Variants in MSANTD3 observed in about 807,000 individuals in gnomAD.
MSANTD3 encodes the protein myb/SANT-like DNA-binding domain-containing protein 3.
In MSANTD3, 11 loss-of-function variants were observed where a neutral mutation model predicts 27.7. That is an observed-to-expected ratio of 0.40 (90% confidence interval 0.25 to 0.66). The LOEUF is 0.66. MSANTD3 is among the 30% of genes least tolerant of loss of function. The pLI is 0.41. For missense variants in MSANTD3, 250 were observed against 336.5 expected (o/e 0.74, Z 2.01); for synonymous variants, 131 against 127.2 (o/e 1.03, Z -0.20).
chr9:100,445,638 TC>T (rs891600995), intron 2 of MSANTD3, among the ~76,000 whole-genome samples: 114 of 152,318 alleles, frequency 7.5e-4, no homozygotes, highest in African/African-American at 2.7e-3. Context: ...ACAATACTGT[TC>T]CAACACCTTA....
intron 1 of MSANTD3, among the ~76,000 whole-genome samples, chr9:100,438,669 A>G (rs573894356): frequency 3.3e-5 from 5 of 152,316 alleles, no homozygotes; most frequent in South Asian, 2.1e-4. Context: ...CAGTGTACCT[A>G]TTGATTTCCT....
At chr9:100,432,190 A>G (rs530233317) in intron 1 of MSANTD3, among the ~76,000 whole-genome samples, 30 of 152,232 alleles carry the variant, frequency 2.0e-4, no homozygotes, top group Middle Eastern at 3.4e-3. Flanking sequence ...GTGGGTGGAA[A>G]AGTGGTAGAG....
chr9:100,437,429 T>G (rs1355161716), intron 1 of MSANTD3, among the ~76,000 whole-genome samples: 1 of 152,212 alleles, frequency 6.6e-6, no homozygotes, highest in African/African-American at 2.4e-5. Flanking sequence ...GACCACTTAC[T>G]ATTTTGTGAC....
intron 1 of MSANTD3, among the ~76,000 whole-genome samples, chr9:100,434,105 C>T (rs930617578): frequency 6.6e-6 from 1 of 152,056 alleles, no homozygotes; most frequent in African/African-American, 2.4e-5. Flanking sequence ...TAAGGAATAC[C>T]ATTCTCTCTG....
At chr9:100,439,515 T>G (rs10989093) in intron 1 of MSANTD3, among the ~76,000 whole-genome samples, 1 of 151,010 alleles carries the variant, frequency 6.6e-6, no homozygotes, top group South Asian at 2.1e-4. Flanking sequence ...TTTTTTTTTT[T>G]AATTTTTTTT....
chr9:100,442,391 CT>C, intron 2 of MSANTD3, 35 bp downstream of exon 2: 1 of 1,553,588 alleles, frequency 6.4e-7, no homozygotes, highest in Non-Finnish European at 8.7e-7. Context: ...CACGCTCTCA[CT>C]GGGTATCTGT....
chr9:100,428,805 T>C (rs1422836095), intron 1 of MSANTD3, among the ~76,000 whole-genome samples: 4 of 152,174 alleles, frequency 2.6e-5, no homozygotes, highest in African/African-American at 7.2e-5. Flanking sequence ...CTCACTGATA[T>C]AATGGAAGAG....
At chr9:100,449,061 G>A (rs1001028555) in intron 2 of MSANTD3, 8 of 985,168 alleles carry the variant, frequency 8.1e-6, no homozygotes, top group African/African-American at 1.7e-5. Flanking sequence ...ACGTAATAAT[G>A]TAATCAACTA....
intron 1 of MSANTD3, among the ~76,000 whole-genome samples, chr9:100,439,430 T>C (rs1436804995): frequency 6.6e-6 from 1 of 152,228 alleles, no homozygotes; most frequent in East Asian, 1.9e-4. Flanking sequence ...AATGAATCCT[T>C]GTGTACATAT....
In MSANTD3 at chr9:100,427,157, C is replaced by A. The variant is rs994776194; in HGVS notation, c.-270C>A. ...CTCCCGCCCTCCTCGGCGGCGCCGACGGACCGGCAGGCGGCGGGCGGTCCG... is the reference window on the plus strand; with the variant it reads ...CTCCCGCCCTCCTCGGCGGCGCCGAAGGACCGGCAGGCGGCGGGCGGTCCG... On this transcript the variant is annotated 5_prime_UTR_variant, in exon 1 of 3. Transcript: ENST00000395067. 6.8e-6 allele frequency: 1 copy of A among 147,902 alleles called. No individual in the cohort carries two copies. The highest frequency in any genetic ancestry group is 2.4e-5 in the African/African-American group (1 of 40,904). 9.2% of individuals were successfully genotyped at this position (147,902 alleles called of 1,614,324 possible).
chr9:100,442,423 C>G, intron 2 of MSANTD3, 67 bp downstream of exon 2: 1 of 1,515,002 alleles, frequency 6.6e-7, no homozygotes. Context: ...AATTTTAAAA[C>G]CCTCCACTTT....
intron 1 of MSANTD3, among the ~76,000 whole-genome samples, chr9:100,433,257 T>G (rs1213487660): frequency 6.6e-6 from 1 of 152,168 alleles, no homozygotes; most frequent in African/African-American, 2.4e-5. Context: ...TTGAGGTCCT[T>G]CTTTAAATTT....
At chr9:100,428,541 T>C (rs946283819) in intron 1 of MSANTD3, among the ~76,000 whole-genome samples, 20 of 152,160 alleles carry the variant, frequency 1.3e-4, no homozygotes, top group African/African-American at 4.3e-4. Context: ...CCCTGCAGCA[T>C]TGCTGGGCCA....
At chr9:100,443,179 C>A (rs1836670233) in intron 2 of MSANTD3, among the ~76,000 whole-genome samples, 1 of 152,138 alleles carries the variant, frequency 6.6e-6, no homozygotes, top group African/African-American at 2.4e-5. Context: ...GTGGGCGGAT[C>A]ACCCGAGGTT....
chr9:100,432,227 C>T (rs927985093), intron 1 of MSANTD3, among the ~76,000 whole-genome samples: 4 of 152,026 alleles, frequency 2.6e-5, no homozygotes, highest in South Asian at 2.1e-4. Context: ...AAAGCAAGTT[C>T]GGTGCTAGGC....
At chr9:100,448,270 C>T in intron 2 of MSANTD3, 1 of 981,770 alleles carries the variant, frequency 1.0e-6, no homozygotes, top group Non-Finnish European at 1.2e-6. Flanking sequence ...AGGGGATGAA[C>T]TTTAAGGACT....
intron 1 of MSANTD3, among the ~76,000 whole-genome samples, chr9:100,428,727 C>T (rs1319121794): frequency 6.6e-6 from 1 of 152,154 alleles, no homozygotes; most frequent in Non-Finnish European, 1.5e-5. Context: ...TCACAAAATT[C>T]TTGTGTTTCA....
intron 1 of MSANTD3, among the ~76,000 whole-genome samples, chr9:100,436,753 C>T (rs1271990466): frequency 2.0e-5 from 3 of 152,072 alleles, no homozygotes; most frequent in East Asian, 3.9e-4. Context: ...GCCAGCATTC[C>T]CCGGAGGCAT....
chr9:100,438,908 A>G (rs1271981946), intron 1 of MSANTD3, among the ~76,000 whole-genome samples: 1 of 152,218 alleles, frequency 6.6e-6, no homozygotes, highest in African/African-American at 2.4e-5. Flanking sequence ...TGATCAAAAC[A>G]GAAGCATGGG....
Sources: allele counts gnomAD v4.1 joint callset (sites outside exome capture counted in the v4.1 genomes callset), GRCh38; gene constraint gnomAD v4.1.1; transcripts MANE v1.5; gene names NCBI Gene and HGNC (gene_info 2026-07-23, HGNC 2026-07-21).